The following B4GALT1 variants were observed in gnomAD, a reference collection of about 807,000 sequenced individuals.
B4GALT1 encodes the protein N-acetyllactosamine synthase.
B4GALT1 carries 16 observed loss-of-function variants against 34.9 expected under a neutral mutation model. That is an observed-to-expected ratio of 0.46 (90% CI 0.31 to 0.70). B4GALT1 has a LOEUF of 0.70. Among genes scored for constraint, B4GALT1 ranks in the 30% least tolerant of loss-of-function variants. B4GALT1 has a pLI of 0.05. For missense variants in B4GALT1, 445 were observed against 530.5 expected (o/e 0.84, Z 1.58); for synonymous variants, 221 against 218.1 (o/e 1.01, Z -0.12).
chr9:33,142,614 TTTTC>T (rs1564047593), intron 1 of B4GALT1, among the ~76,000 whole-genome samples: 2 of 152,050 alleles, frequency 1.3e-5, no homozygotes, highest in African/African-American at 4.8e-5. Context: ...TAGGACCTCT[TTTTC>T]TTTTTCTTTT....
chr9:33,149,817 C>A (rs1038443394), intron 1 of B4GALT1, among the ~76,000 whole-genome samples: 2 of 152,124 alleles, frequency 1.3e-5, no homozygotes, highest in Non-Finnish European at 2.9e-5. Flanking sequence ...AACTGAGAGA[C>A]CTTCTACAAA....
At chr9:33,113,619 A>G in intron 5 of B4GALT1, 33 bp from the exon 6 acceptor site, 1 of 1,614,034 alleles carries the variant, frequency 6.2e-7, no homozygotes, top group South Asian at 1.1e-5. Context: ...AGATTGTCTT[A>G]AAACAAAAAT....
At position 33,120,539 on chromosome 9, in the gene B4GALT1, T is replaced by C. The variant is rs766603925; in HGVS notation, c.716A>G (p.Tyr239Cys). 1.3e-5 allele frequency: 21 copies of C among 1,614,110 alleles called. No homozygotes were observed. The Admixed American group carries it at 1.7e-4, about 13-fold the overall frequency. ...NVGFQEALKD[Y>C]DYTCFVFSDV... ...ACTAAACACAAAGCAGGTGTAGTCATAGTCCTTCAAGGCTTCTTGAAAGCC... is the reference window on the plus strand; with the variant it reads ...ACTAAACACAAAGCAGGTGTAGTCACAGTCCTTCAAGGCTTCTTGAAAGCC... The change falls in exon 3 of 6, where the codon TAT becomes TGT. Residue 239 changes from tyrosine to cysteine, a missense_variant. By Grantham distance (194) the Tyr-to-Cys change is radical. Coordinates refer to ENST00000379731, the MANE Select transcript of B4GALT1 (RefSeq NM_001497.4).
chr9:33,147,546 C>T (rs1385708525), intron 1 of B4GALT1, among the ~76,000 whole-genome samples: 1 of 152,034 alleles, frequency 6.6e-6, no homozygotes, highest in African/African-American at 2.4e-5. Flanking sequence ...CATGCCCGGC[C>T]AAGTCATTCT....
upstream of B4GALT1, among the ~76,000 whole-genome samples, chr9:33,170,642 G>T (rs1840831949): frequency 6.6e-6 from 1 of 152,188 alleles, no homozygotes; most frequent in African/African-American, 2.4e-5. Context: ...TATCCCTCAG[G>T]AACTTGCAGA....
chr9:33,132,063 G>A (rs1187498505), intron 2 of B4GALT1, among the ~76,000 whole-genome samples: 2 of 151,076 alleles, frequency 1.3e-5, no homozygotes, highest in Non-Finnish European at 2.9e-5. Flanking sequence ...ATTCTCCTAA[G>A]GTGGAAAGTT....
At chr9:33,135,890 A>AGAGTGTGTGTGT (rs1554686806) in intron 1 of B4GALT1, among the ~76,000 whole-genome samples, 65 of 104,150 alleles carry the variant, frequency 6.2e-4, no homozygotes, top group East Asian at 1.7e-3. Flanking sequence ...TAACTGGGGA[A>AGAGTGTGTGTGT]GTGTGTGTGT....
At chr9:33,150,069 T>G (rs1238071404) in intron 1 of B4GALT1, among the ~76,000 whole-genome samples, 1 of 151,912 alleles carries the variant, frequency 6.6e-6, no homozygotes, top group Non-Finnish European at 1.5e-5. Context: ...ATATATATTT[T>G]TAAATCACCT....
At chr9:33,183,104 C>T in the B4GALT1 span, among the ~76,000 whole-genome samples, 1 of 152,080 alleles carries the variant, frequency 6.6e-6, no homozygotes, top group Non-Finnish European at 1.5e-5. Flanking sequence ...ATAAAAAATT[C>T]ATAAGTTTTA....
At chr9:33,176,766 C>T in the B4GALT1 span, among the ~76,000 whole-genome samples, 1 of 152,104 alleles carries the variant, frequency 6.6e-6, no homozygotes, top group Non-Finnish European at 1.5e-5. Context: ...GTGATAGGAT[C>T]ATTAGAAGCC....
the B4GALT1 span, among the ~76,000 whole-genome samples, chr9:33,176,620 C>T: frequency 6.6e-6 from 1 of 152,162 alleles, no homozygotes; most frequent in Admixed American, 6.5e-5. Flanking sequence ...AACCAAGTAC[C>T]ACATGTTCTC....
At chr9:33,148,365 A>C (rs1358991225) in intron 1 of B4GALT1, among the ~76,000 whole-genome samples, 1 of 152,202 alleles carries the variant, frequency 6.6e-6, no homozygotes, top group Admixed American at 6.5e-5. Context: ...TCACGGAGAC[A>C]CAGAGCCTGT....
At chr9:33,160,662 G>A (rs1190322006) in intron 1 of B4GALT1, among the ~76,000 whole-genome samples, 1 of 152,106 alleles carries the variant, frequency 6.6e-6, no homozygotes, top group Non-Finnish European at 1.5e-5. Context: ...AGCAACTCGG[G>A]AGACTGAAGT....
chr9:33,118,958 T>C (rs563717957), intron 3 of B4GALT1, among the ~76,000 whole-genome samples: 5 of 151,838 alleles, frequency 3.3e-5, no homozygotes, highest in African/African-American at 1.2e-4. Flanking sequence ...GCCTCCCGGG[T>C]TCAAGCAATT....
upstream of B4GALT1, among the ~76,000 whole-genome samples, chr9:33,171,900 C>A (rs1026351212): frequency 1.1e-4 from 17 of 152,152 alleles, no homozygotes; most frequent in Non-Finnish European, 2.1e-4. Flanking sequence ...TGTCAGGCAC[C>A]TTTATTCCAC....
chr9:33,107,407 C>T (rs182096399), downstream of B4GALT1, among the ~76,000 whole-genome samples: 151 of 152,264 alleles, frequency 9.9e-4, 1 homozygote, highest in Middle Eastern at 3.4e-3. Flanking sequence ...TCAATGTGAT[C>T]ATCCTCATTC....
At chr9:33,109,440 C>G (rs1415286450), downstream of B4GALT1, among the ~76,000 whole-genome samples, 1 of 152,208 alleles carries the variant, frequency 6.6e-6, no homozygotes, top group Non-Finnish European at 1.5e-5. Flanking sequence ...GTTCTGTAAG[C>G]TGACCTAGCA....
intron 2 of B4GALT1, among the ~76,000 whole-genome samples, chr9:33,121,285 G>C (rs1840016785): frequency 6.6e-6 from 1 of 152,228 alleles, no homozygotes; most frequent in African/African-American, 2.4e-5. Context: ...AGACAGAAGA[G>C]GGACACCTGC....
In B4GALT1 at chr9:33,166,952, G is replaced by T; in HGVS notation, c.218C>A (p.Ser73Tyr). 6.3e-7 allele frequency: 1 copy of T among 1,576,888 alleles called. No individual in the cohort carries two copies. The change falls in exon 1 of 6, where the codon TCC (serine) becomes TAC (tyrosine). Residue 73 changes from serine to tyrosine, a missense_variant. Ser to Tyr is a moderately radical substitution (Grantham distance 144, BLOSUM62 -2). Coordinates refer to ENST00000379731, the MANE Select transcript of B4GALT1 (RefSeq NM_001497.4). Reference sequence around the variant, plus strand: ...CCCTCCGGTCCGGAGCTCCCCGGAGGACTGCCCGATGGCGGCGGCACTGTT... The same window carrying T: ...CCCTCCGGTCCGGAGCTCCCCGGAGTACTGCCCGATGGCGGCGGCACTGTT... ...GSNSAAAIGQ[S>Y]SGELRTGGAR...
Sources: allele counts gnomAD v4.1 joint callset (sites outside exome capture counted in the v4.1 genomes callset), GRCh38; gene constraint gnomAD v4.1.1; transcripts MANE v1.5; gene names NCBI Gene and HGNC (gene_info 2026-07-23, HGNC 2026-07-21).